The following CSMD1 variants were observed in gnomAD, a reference collection of about 807,000 sequenced individuals.
The protein encoded by CSMD1 is CUB and Sushi multiple domains 1.
CSMD1 carries 213 observed loss-of-function variants against 417.5 expected under a neutral mutation model. The observed-to-expected ratio is 0.51, with a 90% CI of 0.46 to 0.57. The LOEUF is 0.57. Ranked by LOEUF, CSMD1 falls within the 20% of genes least tolerant of loss-of-function variation. The pLI, the probability that CSMD1 is intolerant of heterozygous loss-of-function variation, is 0.00. For missense variants in CSMD1, 6,923 were observed against 4,529.7 expected (o/e 1.53, Z -15.17); for synonymous variants, 2,862 against 1,736.8 (o/e 1.65, Z -16.11).
intron 3 of CSMD1, among the ~76,000 whole-genome samples, chr8:4,367,361 G>A (rs1052486169): frequency 1.1e-4 from 16 of 152,038 alleles, no homozygotes; most frequent in African/African-American, 3.4e-4. Context: ...CAAAGATCAC[G>A]TGATTGTAGG....
chr8:4,111,712 T>C (rs1167082767), intron 3 of CSMD1, among the ~76,000 whole-genome samples: 1 of 152,128 alleles, frequency 6.6e-6, no homozygotes, highest in Non-Finnish European at 1.5e-5. Context: ...AAGTGGGAGC[T>C]GAACAGTAGG....
intron 3 of CSMD1, among the ~76,000 whole-genome samples, chr8:4,096,049 TG>T (rs1388713073): frequency 7.1e-6 from 1 of 141,314 alleles, no homozygotes; most frequent in Non-Finnish European, 1.5e-5. Context: ...TGGTGTGTTT[TG>T]TTCTTGTAAC....
In CSMD1 at chr8:3,395,324, G is replaced by A. The variant is rs143939224; in HGVS notation, c.2593+870C>T. Among the ~76,000 whole-genome samples, 84 of 152,168 alleles carry A rather than the reference G, an allele frequency of 5.5e-4. 2 individuals carry two copies. In the South Asian group the frequency reaches 7.9e-3, roughly 14 times the overall value. Reference sequence around the variant, plus strand: ...ATTGCCACTTTTTCTCGCTTTTTCCGTGCTACTCTTTGAGGGAAGTGTTTT... The same window carrying A: ...ATTGCCACTTTTTCTCGCTTTTTCCATGCTACTCTTTGAGGGAAGTGTTTT... On this transcript the variant is annotated intron_variant, in intron 17 of 69. Transcript: ENST00000635120.
chr8:4,707,792 C>T (rs1808036842), intron 1 of CSMD1, among the ~76,000 whole-genome samples: 1 of 150,088 alleles, frequency 6.7e-6, no homozygotes, highest in South Asian at 2.1e-4. Flanking sequence ...GAGGCTGAAG[C>T]AGAAGAATCG....
chr8:3,034,396 G>A (rs1810533259), intron 50 of CSMD1, among the ~76,000 whole-genome samples: 1 of 152,098 alleles, frequency 6.6e-6, no homozygotes, highest in African/African-American at 2.4e-5. Context: ...TTACAGTTAG[G>A]CTGAAAAACT....
chr8:3,183,592 A>C (rs1278572929), intron 36 of CSMD1, among the ~76,000 whole-genome samples: 1 of 144,962 alleles, frequency 6.9e-6, no homozygotes, highest in African/African-American at 2.6e-5. Context: ...TCTATCCCTG[A>C]AATATCGAGT....
intron 23 of CSMD1, among the ~76,000 whole-genome samples, chr8:3,326,726 T>C (rs929888851): frequency 1.3e-5 from 2 of 152,354 alleles, no homozygotes; most frequent in East Asian, 1.9e-4. Context: ...CCCTATTGTA[T>C]TGGAATTGCT....
At chr8:3,936,905 A>T (rs1608369) in intron 5 of CSMD1, among the ~76,000 whole-genome samples, 6 of 152,154 alleles carry the variant, frequency 3.9e-5, no homozygotes, top group African/African-American at 1.4e-4. Flanking sequence ...CCCCATTCCA[A>T]TGATATTAAG....
intron 3 of CSMD1, among the ~76,000 whole-genome samples, chr8:4,057,355 C>A (rs969261437): frequency 4.0e-5 from 6 of 151,844 alleles, no homozygotes; most frequent in Admixed American, 6.6e-5. Context: ...CTGTTCATGT[C>A]CTTCGCCTAC....
At chr8:4,302,126 C>T (rs1488742125) in intron 3 of CSMD1, among the ~76,000 whole-genome samples, 1 of 152,084 alleles carries the variant, frequency 6.6e-6, no homozygotes, top group East Asian at 1.9e-4. Context: ...AGCAAGCTAT[C>T]TTGCTAACAA....
At chr8:3,998,312 T>C (rs1815384836) in intron 4 of CSMD1, among the ~76,000 whole-genome samples, 1 of 152,186 alleles carries the variant, frequency 6.6e-6, no homozygotes, top group Non-Finnish European at 1.5e-5. Context: ...AATTATCTTA[T>C]TAATTGAATG....
chr8:4,544,785 T>A (rs1797559428), intron 2 of CSMD1, among the ~76,000 whole-genome samples: 1 of 152,162 alleles, frequency 6.6e-6, no homozygotes, highest in Admixed American at 6.5e-5. Context: ...GCTGTTCACT[T>A]ATAGACCAAA....
At chr8:4,327,028 G>T (rs4407900) in intron 3 of CSMD1, among the ~76,000 whole-genome samples, 7,395 of 152,228 alleles carry the variant, frequency 0.049, 253 homozygotes, top group Non-Finnish European at 0.069. Context: ...ACCACAGAAG[G>T]TCAGTGGTAT....
chr8:4,491,600 G>GA (rs1354658055), intron 2 of CSMD1, among the ~76,000 whole-genome samples: 2 of 152,088 alleles, frequency 1.3e-5, no homozygotes, highest in Non-Finnish European at 2.9e-5. Flanking sequence ...GACACCTCAT[G>GA]AAAAAAGATA....
intron 6 of CSMD1, among the ~76,000 whole-genome samples, chr8:3,747,497 GTTT>G (rs869172129): frequency 2.9e-5 from 2 of 68,338 alleles, no homozygotes; most frequent in Admixed American, 1.6e-4. Flanking sequence ...TCATACGTTT[GTTT>G]TTTTTCCTTT....
chr8:3,599,285 G>T (rs369072440), intron 8 of CSMD1, among the ~76,000 whole-genome samples: 6 of 152,046 alleles, frequency 3.9e-5, no homozygotes, highest in African/African-American at 1.5e-4. Flanking sequence ...ATGTGGCTAC[G>T]TGTGTATGTG....
chr8:3,999,617 C>T (rs946037224), intron 4 of CSMD1, among the ~76,000 whole-genome samples: 1 of 152,112 alleles, frequency 6.6e-6, no homozygotes, highest in African/African-American at 2.4e-5. Context: ...GGTTTTTGTT[C>T]CCGGAGTTTG....
chr8:3,148,415 T>C (rs66705638), intron 40 of CSMD1, among the ~76,000 whole-genome samples: 13,316 of 152,178 alleles, frequency 0.088, 646 homozygotes, highest in Non-Finnish European at 0.097. Flanking sequence ...AGCTGTGCAG[T>C]GCTGTGGGTA....
chr8:4,583,153 G>A (rs1042089354), intron 2 of CSMD1, among the ~76,000 whole-genome samples: 3 of 152,170 alleles, frequency 2.0e-5, no homozygotes, highest in Non-Finnish European at 2.9e-5. Flanking sequence ...TCCCCAACGA[G>A]CACCATCCTC....
Sources: gnomAD v4.1 joint callset for allele counts (sites outside exome capture counted in the v4.1 genomes callset) on GRCh38, gnomAD v4.1.1 for gene constraint, MANE v1.5 for transcripts, NCBI Gene and HGNC (gene_info 2026-07-23, HGNC 2026-07-21) for gene names.